Variants in TEX9 observed in about 807,000 individuals in gnomAD.
TEX9 encodes testis expressed 9.
A neutral mutation model predicts 59.6 loss-of-function variants in TEX9; 74 were observed. The ratio of observed to expected loss-of-function variants is 1.24; its 90% CI spans 1.03 to 1.51. The LOEUF is 1.51. Among genes scored for constraint, TEX9 ranks in the 40% most tolerant of loss-of-function variants. The probability of loss-of-function intolerance (pLI) is 0.00; values close to 1 mark genes in which losing one functional copy is unlikely to be tolerated. For missense variants in TEX9, 522 were observed against 447.8 expected, an observed-to-expected ratio of 1.17 and a Z score of -1.49; for synonymous variants, 186 against 152.2, an observed-to-expected ratio of 1.22 and a Z score of -1.64.
chr15:56,287,580 ATT>A (rs2044983448), intron 1 of TEX9, among the ~76,000 whole-genome samples: 1 of 152,130 alleles, frequency 6.6e-6, no homozygotes, highest in Admixed American at 6.5e-5. Context: ...TATACAATAT[ATT>A]GTTATTAACT....
chr15:56,321,592 C>A (rs1438087102), intron 1 of TEX9, among the ~76,000 whole-genome samples: 1 of 152,102 alleles, frequency 6.6e-6, no homozygotes, highest in Non-Finnish European at 1.5e-5. Flanking sequence ...TAGCAGGAAC[C>A]TGACAAACTA....
chr15:56,244,819 TC>T (rs1384102928), intron 1 of TEX9, among the ~76,000 whole-genome samples: 11 of 148,612 alleles, frequency 7.4e-5, no homozygotes, highest in East Asian at 6.1e-4. Flanking sequence ...TCCGCACCAT[TC>T]CCCCCCTTCC....
chr15:56,256,671 C>G (rs567038021), intron 1 of TEX9, among the ~76,000 whole-genome samples: 1 of 151,962 alleles, frequency 6.6e-6, no homozygotes, highest in South Asian at 2.1e-4. Flanking sequence ...AGAGAGTTAT[C>G]AGCATTAGAA....
chr15:56,284,471 G>A (rs1307796322), intron 1 of TEX9, among the ~76,000 whole-genome samples: 1 of 151,908 alleles, frequency 6.6e-6, no homozygotes, highest in Non-Finnish European at 1.5e-5. Context: ...GTATGTGATA[G>A]CATGTAAAAA....
Position 56,428,374 on chromosome 15 carries a change from T to TTGAAGCTGCCAAGATGCTATCTTTC in TEX9, c.1107_1131dup (p.Thr378Ter), listed in dbSNP as rs1315692804. The TTGAAGCTGCCAAGATGCTATCTTTC allele has an allele frequency of 6.2e-7, 1 of 1,611,384 alleles. No individual in the cohort carries two copies. Among genetic ancestry groups the TTGAAGCTGCCAAGATGCTATCTTTC allele is most frequent in the Non-Finnish European group, 8.5e-7 (1 of 1,178,474 alleles). On this transcript the variant is annotated frameshift_variant, in exon 12 of 13. Coordinates refer to ENST00000352903, the Ensembl canonical transcript of TEX9. LOFTEE classifies it high-confidence loss of function. ...TGATTTTTTTTTTAACAGATGCATA[T>TTGAAGCTGCCAAGATGCTATCTTTC]TGAAGCTGCCAAGATGCTATCTTTC...
At chr15:56,326,036 G>C in intron 1 of TEX9, among the ~76,000 whole-genome samples, 1 of 152,152 alleles carries the variant, frequency 6.6e-6, no homozygotes, top group Admixed American at 6.5e-5. Context: ...CAGATAGTTT[G>C]ATGAGATAAA....
At chr15:56,379,994 G>A (rs192640852) in intron 3 of TEX9, among the ~76,000 whole-genome samples, 31 of 151,900 alleles carry the variant, frequency 2.0e-4, no homozygotes, top group South Asian at 4.2e-4. Flanking sequence ...AAACCAGTCC[G>A]TCTTTTGATT....
intron 1 of TEX9, among the ~76,000 whole-genome samples, chr15:56,309,414 G>A (rs2045552712): frequency 6.6e-6 from 1 of 152,116 alleles, no homozygotes; most frequent in African/African-American, 2.4e-5. Context: ...CCAGTTGGTT[G>A]TAGTGTAAAA....
At chr15:56,340,740 T>A (rs2046357266) in intron 1 of TEX9, among the ~76,000 whole-genome samples, 1 of 152,202 alleles carries the variant, frequency 6.6e-6, no homozygotes, top group Non-Finnish European at 1.5e-5. Context: ...TCCTCCTTTA[T>A]CAGACCTGCC....
chr15:56,339,383 C>CAAAAAAAAAAAAAAAAAAAAAAAAAAA (rs71456382), intron 1 of TEX9, among the ~76,000 whole-genome samples: 2 of 30,764 alleles, frequency 6.5e-5, no homozygotes, highest in African/African-American at 2.4e-4. Flanking sequence ...ACTCCTTCTC[C>CAAAAAAAAAAAAAAAAAAAAAAAAAAA]AAAAAAAAAA....
At chr15:56,272,605 T>TC (rs1362124587) in intron 1 of TEX9, among the ~76,000 whole-genome samples, 2 of 152,220 alleles carry the variant, frequency 1.3e-5, no homozygotes, top group African/African-American at 4.8e-5. Context: ...CATATGTTTT[T>TC]CCCTTCTCTT....
At chr15:56,459,153 T>C in the TEX9 span, among the ~76,000 whole-genome samples, 30 of 152,342 alleles carry the variant, frequency 2.0e-4, no homozygotes, top group African/African-American at 7.2e-4. Context: ...TACTTATCTA[T>C]TTTTTGTCTC....
rs144867397 is a variant in TEX9, at chr15:56,401,445, A to G, written c.828+6611A>G. Among the ~76,000 whole-genome samples, 42 of 152,330 alleles carry G rather than the reference A, an allele frequency of 2.8e-4. No homozygotes were observed. The Middle Eastern group carries it at 0.01, about 37-fold the overall frequency. On this transcript the variant is annotated intron_variant, in intron 9 of 12. Transcript: ENST00000352903. ...ATCAATTCAACAAGAAGAGCTAACT[A>G]TCCTAAATATTTATGCACCCAATAC...
downstream of TEX9, among the ~76,000 whole-genome samples, chr15:56,448,197 C>T (rs139123815): frequency 1.2e-4 from 18 of 152,268 alleles, no homozygotes; most frequent in African/African-American, 4.1e-4. Flanking sequence ...AGTAGATGCA[C>T]GTTCAGCGTT....
At chr15:56,356,162 G>T (rs1048201992) in intron 1 of TEX9, among the ~76,000 whole-genome samples, 1 of 152,098 alleles carries the variant, frequency 6.6e-6, no homozygotes, top group Non-Finnish European at 1.5e-5. Flanking sequence ...CAGTTCTTCA[G>T]TATGATTATA....
chr15:56,301,741 C>T (rs1282441381), intron 1 of TEX9, among the ~76,000 whole-genome samples: 2 of 151,936 alleles, frequency 1.3e-5, no homozygotes, highest in Non-Finnish European at 2.9e-5. Flanking sequence ...CTTTCCTAGA[C>T]AAAAACTGAG....
chr15:56,341,707 T>C (rs2046374725), intron 1 of TEX9, among the ~76,000 whole-genome samples: 1 of 152,136 alleles, frequency 6.6e-6, no homozygotes, highest in Non-Finnish European at 1.5e-5. Flanking sequence ...TAATTATTAT[T>C]TAAATAACTG....
intron 2 of TEX9, among the ~76,000 whole-genome samples, chr15:56,372,533 A>G (rs930456866): frequency 6.6e-6 from 1 of 152,196 alleles, no homozygotes; most frequent in African/African-American, 2.4e-5. Context: ...TTTAAAAGTG[A>G]AAAGGGGACT....
At chr15:56,330,043 A>G (rs1257232364) in intron 1 of TEX9, among the ~76,000 whole-genome samples, 6 of 152,048 alleles carry the variant, frequency 3.9e-5, no homozygotes, top group East Asian at 1.9e-4. Context: ...AAAAAAACAA[A>G]CAAACATAGA....
Sources: gnomAD v4.1 joint callset for allele counts (sites outside exome capture counted in the v4.1 genomes callset) on GRCh38, gnomAD v4.1.1 for gene constraint, MANE v1.5 for transcripts, NCBI Gene and HGNC (gene_info 2026-07-23, HGNC 2026-07-21) for gene names.